The following SLC25A21 variants were observed in gnomAD, a reference collection of about 807,000 sequenced individuals.
The protein encoded by SLC25A21 is mitochondrial 2-oxodicarboxylate carrier.
SLC25A21 carries 47 observed loss-of-function variants against 43.8 expected under a neutral mutation model. The observed-to-expected ratio is 1.07, with a 90% CI of 0.85 to 1.37. The LOEUF (loss-of-function observed/expected upper bound fraction) is 1.37. Among genes scored for constraint, SLC25A21 ranks in the 40% most tolerant of loss-of-function variants. The pLI is 0.00. For synonymous variants in SLC25A21, 131 were observed against 121.3 expected (o/e 1.08, Z -0.52); for missense variants, 352 against 350.2 (o/e 1.00, Z -0.04).
At chr14:36,848,606 G>A (rs1158515792) in intron 2 of SLC25A21, among the ~76,000 whole-genome samples, 1 of 152,174 alleles carries the variant, frequency 6.6e-6, no homozygotes, top group East Asian at 1.9e-4. Flanking sequence ...CGGTAGAAAT[G>A]CAGTAAAGCC....
At position 36,692,766 on chromosome 14, in the gene SLC25A21, A is replaced by G. The variant is rs538453585; in HGVS notation, c.604-7841T>C. ...TTCTCTGCAAAAGGCAAGGTTGAGT[A>G]GAGGACAGCAATAGGGCTTTTCATT... On this transcript the variant is annotated intron_variant, in intron 7 of 9. Coordinates refer to ENST00000331299, the MANE Select transcript of SLC25A21 (RefSeq NM_030631.4). 1.7e-4 allele frequency among the ~76,000 whole-genome samples: 26 copies of G among 152,374 alleles called. No homozygotes were observed. The South Asian group carries it at 5.4e-3, about 32-fold the overall frequency.
chr14:37,060,767 G>C (rs1961931678), intron 1 of SLC25A21, among the ~76,000 whole-genome samples: 1 of 152,008 alleles, frequency 6.6e-6, no homozygotes, highest in South Asian at 2.1e-4. Flanking sequence ...GGGCAAACAT[G>C]GTTACTTGTA....
intron 1 of SLC25A21, among the ~76,000 whole-genome samples, chr14:36,953,774 T>G (rs1005153941): frequency 6.6e-6 from 1 of 152,156 alleles, no homozygotes; most frequent in Non-Finnish European, 1.5e-5. Flanking sequence ...ATCATCACAA[T>G]AGAGGAATTT....
At chr14:37,074,432 A>T (rs1456039995) in intron 1 of SLC25A21, among the ~76,000 whole-genome samples, 1 of 152,162 alleles carries the variant, frequency 6.6e-6, no homozygotes, top group Admixed American at 6.5e-5. Flanking sequence ...TATTCTTTCA[A>T]CCTGGCTCTG....
intron 1 of SLC25A21, among the ~76,000 whole-genome samples, chr14:37,072,583 C>T (rs757385111): frequency 1.4e-4 from 21 of 152,112 alleles, no homozygotes; most frequent in Non-Finnish European, 2.5e-4. Context: ...GCTGTCTCTA[C>T]TAAAAACACA....
intron 2 of SLC25A21, among the ~76,000 whole-genome samples, chr14:36,844,005 G>T (rs1031912814): frequency 2.6e-5 from 4 of 152,112 alleles, no homozygotes; most frequent in African/African-American, 9.7e-5. Context: ...CCCCCAAAAT[G>T]CTTCCTTACC....
At chr14:36,766,513 T>A (rs565424099) in intron 3 of SLC25A21, among the ~76,000 whole-genome samples, 1 of 152,274 alleles carries the variant, frequency 6.6e-6, no homozygotes, top group East Asian at 1.9e-4. Context: ...GCCACTCTCA[T>A]GCTGGGTCCC....
intron 3 of SLC25A21, among the ~76,000 whole-genome samples, chr14:36,759,359 A>G (rs998284903): frequency 6.6e-6 from 1 of 152,200 alleles, no homozygotes; most frequent in Non-Finnish European, 1.5e-5. Context: ...TGAAAAAAAC[A>G]GGAGACCTTT....
intron 7 of SLC25A21, among the ~76,000 whole-genome samples, chr14:36,685,993 C>G (rs17105046): frequency 6.6e-6 from 1 of 152,174 alleles, no homozygotes; most frequent in Non-Finnish European, 1.5e-5. Context: ...GAGGGATCAT[C>G]ACAGAGGAAC....
chr14:36,758,628 A>G (rs1176655461), intron 3 of SLC25A21, among the ~76,000 whole-genome samples: 1 of 150,986 alleles, frequency 6.6e-6, no homozygotes, highest in East Asian at 1.9e-4. Context: ...GGTTTGTACC[A>G]TAAAATTCAT....
intron 5 of SLC25A21, among the ~76,000 whole-genome samples, chr14:36,727,400 A>C (rs924373083): frequency 3.9e-5 from 6 of 152,364 alleles, no homozygotes; most frequent in African/African-American, 1.4e-4. Context: ...TAAAAAAGGA[A>C]GAATGGGCCA....
At chr14:36,807,293 T>C (rs848088) in intron 3 of SLC25A21, 98,936 of 152,136 alleles carry the variant, frequency 0.65, 33,080 homozygotes, top group East Asian at 0.89. Context: ...TCAGAACCAT[T>C]CACTGCATTC....
At chr14:36,874,124 G>GAGT (rs1296936808) in intron 2 of SLC25A21, among the ~76,000 whole-genome samples, 3 of 152,216 alleles carry the variant, frequency 2.0e-5, no homozygotes, top group Non-Finnish European at 2.9e-5. Flanking sequence ...TTTTTAGGTA[G>GAGT]AGTAAGTAAC....
chr14:37,091,020 C>A (rs2138850541), intron 1 of SLC25A21, among the ~76,000 whole-genome samples: 1 of 152,296 alleles, frequency 6.6e-6, no homozygotes, highest in South Asian at 2.1e-4. Flanking sequence ...AGACACCTTA[C>A]TTAATATATA....
At chr14:37,077,540 C>G (rs1962306103) in intron 1 of SLC25A21, among the ~76,000 whole-genome samples, 1 of 152,048 alleles carries the variant, frequency 6.6e-6, no homozygotes, top group Admixed American at 6.6e-5. Context: ...AAAGACACCT[C>G]AAAAGAAAGG....
intron 1 of SLC25A21, among the ~76,000 whole-genome samples, chr14:36,902,541 C>A (rs1041384237): frequency 6.6e-6 from 1 of 151,958 alleles, no homozygotes; most frequent in Non-Finnish European, 1.5e-5. Flanking sequence ...AACCTGTGGT[C>A]GGATTTTGGA....
intron 1 of SLC25A21, among the ~76,000 whole-genome samples, chr14:37,095,845 A>C (rs1950370): frequency 0.29 from 6,385 of 21,734 alleles, 299 homozygotes; most frequent in Admixed American, 0.35. Flanking sequence ...CACACACACA[A>C]AAAACACCTT....
chr14:36,896,300 T>G (rs1174858253), intron 1 of SLC25A21, among the ~76,000 whole-genome samples: 2 of 152,206 alleles, frequency 1.3e-5, no homozygotes, highest in Non-Finnish European at 1.5e-5. Context: ...TGTAATGGCC[T>G]TCTTTGTCTC....
intron 1 of SLC25A21, among the ~76,000 whole-genome samples, chr14:37,163,566 A>T (rs1051320030): frequency 6.6e-6 from 1 of 152,146 alleles, no homozygotes; most frequent in Non-Finnish European, 1.5e-5. Flanking sequence ...AATGAAAACA[A>T]AAAAAGGAAA....
Sources: gnomAD v4.1 joint callset for allele counts (sites outside exome capture counted in the v4.1 genomes callset) on GRCh38, gnomAD v4.1.1 for gene constraint, MANE v1.5 for transcripts, NCBI Gene and HGNC (gene_info 2026-07-23, HGNC 2026-07-21) for gene names.